The following CREB5 variants were observed in gnomAD, a reference collection of about 807,000 sequenced individuals.
The protein encoded by CREB5 is cyclic AMP-responsive element-binding protein 5.
A neutral mutation model predicts 57.1 loss-of-function variants in CREB5; 19 were observed. That is an observed-to-expected ratio of 0.33 (90% CI 0.23 to 0.49). CREB5 has a LOEUF of 0.49. CREB5 is among the 20% of genes least tolerant of loss of function. CREB5 has a pLI of 0.99. For missense variants in CREB5, 579 were observed against 671.6 expected, an observed-to-expected ratio of 0.86 and a Z score of 1.52; for synonymous variants, 238 against 238.3, an observed-to-expected ratio of 1.00 and a Z score of 0.01.
intron 4 of CREB5, among the ~76,000 whole-genome samples, chr7:28,542,099 A>G (rs1794232118): frequency 6.6e-6 from 1 of 152,236 alleles, no homozygotes; most frequent in South Asian, 2.1e-4. Context: ...ACAAGGGCTT[A>G]CTTTGTACCT....
chr7:28,544,653 A>G (rs1794346110), intron 4 of CREB5, among the ~76,000 whole-genome samples: 1 of 152,148 alleles, frequency 6.6e-6, no homozygotes, highest in Non-Finnish European at 1.5e-5. Context: ...AAACAGTACA[A>G]TCTGAGGAGC....
intron 5 of CREB5, among the ~76,000 whole-genome samples, chr7:28,680,747 A>G (rs1800545803): frequency 6.7e-6 from 1 of 149,774 alleles, no homozygotes; most frequent in African/African-American, 2.5e-5. Context: ...CAACAGAACA[A>G]GACACTGTAT....
intron 1 of CREB5, among the ~76,000 whole-genome samples, chr7:28,372,974 G>C (rs1248509146): frequency 1.3e-5 from 2 of 152,182 alleles, no homozygotes; most frequent in Non-Finnish European, 2.9e-5. Flanking sequence ...TGTTTATTTG[G>C]GGTAAGGACA....
chr7:28,410,446 G>A (rs1045272667), upstream of CREB5: 3 of 456,594 alleles, frequency 6.6e-6, no homozygotes, highest in African/African-American at 4.0e-5. Context: ...GTTCTTAGAG[G>A]GGCAAGATGC....
chr7:28,586,271 AG>A (rs1796303063), intron 5 of CREB5, among the ~76,000 whole-genome samples: 2 of 152,202 alleles, frequency 1.3e-5, no homozygotes, highest in Non-Finnish European at 2.9e-5. Flanking sequence ...CCCCTCAGTG[AG>A]TGTGGTGGCT....
chr7:28,780,438 A>C (rs1276671984), intron 7 of CREB5, among the ~76,000 whole-genome samples: 1 of 152,214 alleles, frequency 6.6e-6, no homozygotes, highest in African/African-American at 2.4e-5. Flanking sequence ...ATTTAAAATC[A>C]GGGCTAGGTG....
intron 1 of CREB5, among the ~76,000 whole-genome samples, chr7:28,429,818 T>G (rs1003298483): frequency 6.6e-6 from 1 of 152,196 alleles, no homozygotes; most frequent in East Asian, 1.9e-4. Flanking sequence ...TATTACTTTC[T>G]AGTTGTGAAG....
intron 5 of CREB5, among the ~76,000 whole-genome samples, chr7:28,623,992 T>C (rs1044881063): frequency 1.6e-4 from 25 of 152,162 alleles, no homozygotes; most frequent in African/African-American, 5.6e-4. Context: ...ATGATGGTGG[T>C]GATGACAACT....
intron 7 of CREB5, among the ~76,000 whole-genome samples, chr7:28,744,567 C>T (rs184359441): frequency 3.3e-5 from 5 of 152,038 alleles, no homozygotes; most frequent in East Asian, 1.9e-4. Context: ...AGGGTGGTCT[C>T]GATCTCTTGA....
intron 1 of CREB5, among the ~76,000 whole-genome samples, chr7:28,322,918 A>G (rs1370812190): frequency 6.6e-6 from 1 of 151,728 alleles, no homozygotes; most frequent in East Asian, 1.9e-4. Context: ...TCCAATGATC[A>G]TTTTCTATAA....
intron 1 of CREB5, among the ~76,000 whole-genome samples, chr7:28,446,209 G>T (rs79926438): frequency 6.8e-6 from 1 of 147,402 alleles, no homozygotes; most frequent in African/African-American, 2.5e-5. Flanking sequence ...CCCCCCAGCC[G>T]CCCCTCCCCT....
chr7:28,399,098 C>T (rs735101), intron 1 of CREB5, among the ~76,000 whole-genome samples: 67,291 of 151,790 alleles, frequency 0.44, 16,936 homozygotes, highest in African/African-American at 0.69. Context: ...ACTAAGAGCA[C>T]GGGAAAAATT....
intron 4 of CREB5, among the ~76,000 whole-genome samples, chr7:28,522,841 C>T (rs1452816497): frequency 1.3e-5 from 2 of 152,162 alleles, no homozygotes; most frequent in African/African-American, 2.4e-5. Context: ...GCTCTTTCTT[C>T]GTAATGCACT....
intron 1 of CREB5, among the ~76,000 whole-genome samples, chr7:28,350,164 T>G: frequency 6.6e-6 from 1 of 152,214 alleles, no homozygotes; most frequent in Middle Eastern, 3.2e-3. Flanking sequence ...AGGAGTAAAC[T>G]AAGAAAATAT....
intron 7 of CREB5, chr7:28,724,594 G>A (rs1337377316): frequency 5.0e-5 from 21 of 421,896 alleles, no homozygotes; most frequent in Non-Finnish European, 5.2e-5. Flanking sequence ...ATACAAGTTG[G>A]GGTAGGATAT....
chr7:28,442,233 G>A (rs1448103461), intron 1 of CREB5, among the ~76,000 whole-genome samples: 1 of 152,046 alleles, frequency 6.6e-6, no homozygotes, highest in East Asian at 1.9e-4. Context: ...TTAGCATAAT[G>A]TCCCCCGGGC....
At chr7:28,649,887 TAGTC>T (rs1326742430) in intron 5 of CREB5, among the ~76,000 whole-genome samples, 27 of 152,312 alleles carry the variant, frequency 1.8e-4, no homozygotes, top group African/African-American at 6.0e-4. Flanking sequence ...ATGAGCTAAA[TAGTC>T]AGTTGATTAC....
chr7:28,370,496 A>G (rs1348925587), intron 1 of CREB5, among the ~76,000 whole-genome samples: 4 of 152,236 alleles, frequency 2.6e-5, no homozygotes, highest in African/African-American at 7.2e-5. Flanking sequence ...ATGCATTAAG[A>G]TATTGCACAA....
At chr7:28,732,249 C>G (rs1473863035) in intron 7 of CREB5, among the ~76,000 whole-genome samples, 1 of 152,164 alleles carries the variant, frequency 6.6e-6, no homozygotes, top group Non-Finnish European at 1.5e-5. Flanking sequence ...CTGCCAGTAT[C>G]CACCCTGTTT....
Sources: allele counts gnomAD v4.1 joint callset (sites outside exome capture counted in the v4.1 genomes callset), GRCh38; gene constraint gnomAD v4.1.1; transcripts MANE v1.5; gene names NCBI Gene and HGNC (gene_info 2026-07-23, HGNC 2026-07-21).